The following WDR5 variants were observed in gnomAD, a reference collection of about 807,000 sequenced individuals.
The protein encoded by WDR5 is WD repeat-containing protein 5.
For missense variants in WDR5, 187 were observed against 416.9 expected (o/e 0.45, Z 4.80); for synonymous variants, 144 against 161.6 (o/e 0.89, Z 0.83).
At chr9:134,139,110 A>G (rs902226137) in intron 1 of WDR5, among the ~76,000 whole-genome samples, 2 of 152,158 alleles carry the variant, frequency 1.3e-5, no homozygotes, top group African/African-American at 2.4e-5. Context: ...CTCGTAGAAT[A>G]TCGTTGGTGT....
In WDR5 at chr9:134,152,092, C is replaced by A. The variant is rs1390084629; in HGVS notation, c.631+63C>A. ...AGGGCCTCCCCTGCTGGGTTCACTG[C>A]CCCTGTTCTTCACCAGCTCCTCCTC... On this transcript the variant is annotated intron_variant, in intron 9 of 13. Coordinates refer to ENST00000358625, the MANE Select transcript of WDR5 (RefSeq NM_017588.3). The A allele has an allele frequency of 1.9e-6, 3 of 1,563,276 alleles. No individual in the cohort carries two copies. In the East Asian group the frequency reaches 6.9e-5, roughly 36 times the overall value.
intron 9 of WDR5, among the ~76,000 whole-genome samples, chr9:134,153,843 T>C (rs1159206891): frequency 6.6e-6 from 1 of 152,150 alleles, no homozygotes; most frequent in Non-Finnish European, 1.5e-5. Context: ...AGGAGATGCC[T>C]TCCTCCACTT....
chr9:134,155,804 C>T (rs775355611), intron 12 of WDR5, 37 bp downstream of exon 12: 8 of 1,596,660 alleles, frequency 5.0e-6, no homozygotes, highest in Non-Finnish European at 6.0e-6. Flanking sequence ...CACCTGTTCC[C>T]AGCTTACTCT....
At chr9:134,139,529 C>T (rs28562957) in intron 1 of WDR5, among the ~76,000 whole-genome samples, 1,627 of 152,244 alleles carry the variant, frequency 0.011, 18 homozygotes, top group Middle Eastern at 0.024. Context: ...TTTGTTTGCA[C>T]AAACTGCTGC....
rs983528716 is a variant in WDR5, at chr9:134,144,952, T to G, written c.528+2233T>G. Among the ~76,000 whole-genome samples, 6 of 152,132 alleles carry G rather than the reference T, an allele frequency of 3.9e-5. No individual in the cohort carries two copies. The South Asian group carries it at 8.3e-4, about 21-fold the overall frequency. ...TCCCTCTGTGGTCTTCTACTTTGCT[T>G]TTTTAGGTGCATATTTTCCAGGGTA... On this transcript the variant is annotated intron_variant, in intron 7 of 13. Transcript: ENST00000358625.
chr9:134,136,936 G>T (rs72766676), intron 1 of WDR5, among the ~76,000 whole-genome samples: 1 of 152,298 alleles, frequency 6.6e-6, no homozygotes, highest in Non-Finnish European at 1.5e-5. Context: ...TGTCCTAGCC[G>T]GTGGGGAAGA....
intron 13 of WDR5, among the ~76,000 whole-genome samples, chr9:134,156,878 G>A (rs1373501425): frequency 6.6e-6 from 1 of 152,246 alleles, no homozygotes; most frequent in African/African-American, 2.4e-5. Flanking sequence ...TTAGGTGGGT[G>A]CAGCCCGTCC....
rs377345563 is a variant in WDR5 at position 134,142,330 on chromosome 9, T to C, written c.355-3T>C. The C allele has an allele frequency of 5.8e-5, 94 of 1,613,406 alleles. No individual in the cohort carries two copies. In the African/African-American group the frequency reaches 9.1e-4, roughly 16 times the overall value. ...GAATAATCCTAATAATACTCTGTTATAGGGCAAGTGTCTGAAAACCCTGAA... is the reference window on the plus strand; with the variant it reads ...GAATAATCCTAATAATACTCTGTTACAGGGCAAGTGTCTGAAAACCCTGAA... On this transcript the variant is annotated splice_region_variant and splice_polypyrimidine_tract_variant and intron_variant, in intron 5 of 13. Transcript: ENST00000358625.
chr9:134,139,054 C>T (rs1037125920), intron 1 of WDR5, among the ~76,000 whole-genome samples: 2 of 152,152 alleles, frequency 1.3e-5, no homozygotes, highest in East Asian at 1.9e-4. Context: ...AAGGTGAAAC[C>T]GATTGAACTG....
At position 134,158,018 on chromosome 9, in the gene WDR5, G is replaced by T; in HGVS notation, c.*25G>T. 1 of 1,608,632 alleles carries T rather than the reference G, an allele frequency of 6.2e-7. No homozygotes were observed. The highest frequency in any genetic ancestry group is 1.1e-5 in the South Asian group (1 of 90,938). On this transcript the variant is annotated 3_prime_UTR_variant, in exon 14 of 14. Coordinates refer to ENST00000358625, the MANE Select transcript of WDR5 (RefSeq NM_017588.3). ...AGTCCCTTTGCTCCTGCCCGCGAGA[G>T]ACTGTCGGGAAGTTGACCCGGATTG... is the stretch of plus-strand genomic sequence containing the variant.
At position 134,157,300 on chromosome 9, in the gene WDR5, G is replaced by C. The variant is rs1333062622; in HGVS notation, c.905-593G>C. 6.6e-6 allele frequency among the ~76,000 whole-genome samples: 1 copy of C among 152,182 alleles called. No homozygotes were observed. The highest frequency in any genetic ancestry group is 1.5e-5 in the Non-Finnish European group (1 of 68,028). ...CCTCGCCGGCGTTCTGGGGTTCTTT[G>C]GTTTACGTAGAAGCTGTAAACACTT... On this transcript the variant is annotated intron_variant, in intron 13 of 13. Transcript: ENST00000358625. The surrounding 1 kb of genome is among the most constrained non-coding windows in gnomAD (Gnocchi z 5.0).
At chr9:134,141,258 C>G (rs566732425) in intron 3 of WDR5, among the ~76,000 whole-genome samples, 4 of 152,234 alleles carry the variant, frequency 2.6e-5, no homozygotes, top group African/African-American at 9.6e-5. Flanking sequence ...TGCACTCCAG[C>G]CTGGGCGACA....
chr9:134,155,131 C>G (rs1832689196), intron 10 of WDR5, among the ~76,000 whole-genome samples: 1 of 152,246 alleles, frequency 6.6e-6, no homozygotes, highest in Non-Finnish European at 1.5e-5. Flanking sequence ...ACTACAAATA[C>G]TTGCGGCTGT....
chr9:134,156,441 C>G, intron 12 of WDR5, 65 bp from the exon 13 acceptor site: 1 of 1,510,558 alleles, frequency 6.6e-7, no homozygotes, highest in Non-Finnish European at 9.2e-7. Context: ...GATTCTCTCC[C>G]TTTCACATGC....
At chr9:134,140,504 G>A (rs138634755) in intron 2 of WDR5, among the ~76,000 whole-genome samples, 199 bp from the exon 3 acceptor site, 2,664 of 152,272 alleles carry the variant, frequency 0.017, 35 homozygotes, top group Admixed American at 0.025. Flanking sequence ...AGGTCTTGTG[G>A]GGAAGTAGTG....
intron 1 of WDR5, among the ~76,000 whole-genome samples, chr9:134,138,322 C>T (rs1831688363): frequency 7.4e-6 from 1 of 135,744 alleles, no homozygotes; most frequent in South Asian, 2.3e-4. Flanking sequence ...GGGCACAGTT[C>T]ACTCAGCTCT....
Position 134,136,104 on chromosome 9 carries a change from C to G in WDR5, c.-155C>G, listed in dbSNP as rs932042704. The G allele has an allele frequency of 1.3e-5, 2 of 149,506 alleles. No individual in the cohort carries two copies. The highest frequency in any genetic ancestry group is 4.9e-5 in the African/African-American group (2 of 41,058). 9.3% of individuals were successfully genotyped at this position (149,506 alleles called of 1,614,324 possible). On this transcript the variant is annotated 5_prime_UTR_variant, in exon 1 of 14. Transcript: ENST00000358625. ...TGCGCCCCCGCCGCCTGGCGCCCGC[C>G]CGAGCTGCCGCCTTGTCGAGCTGAG...
At chr9:134,136,810 C>T (rs1182840588) in intron 1 of WDR5, among the ~76,000 whole-genome samples, 1 of 152,160 alleles carries the variant, frequency 6.6e-6, no homozygotes, top group Non-Finnish European at 1.5e-5. Flanking sequence ...AAACAGAGGT[C>T]GGCCTGTTAC....
intron 11 of WDR5, 149 bp downstream of exon 11, chr9:134,155,522 G>A (rs548570118): frequency 3.9e-6 from 5 of 1,298,470 alleles, no homozygotes; most frequent in Non-Finnish European, 5.3e-6. Context: ...AAAGACCTGG[G>A]TATTTGTAGG....
Sources: allele counts gnomAD v4.1 joint callset (sites outside exome capture counted in the v4.1 genomes callset), GRCh38; gene constraint gnomAD v4.1.1; non-coding constraint Gnocchi (gnomAD v3.1); transcripts MANE v1.5; gene names NCBI Gene and HGNC (gene_info 2026-07-23, HGNC 2026-07-21).